The following SORCS2 variants were observed in gnomAD, a reference collection of about 807,000 sequenced individuals.
SORCS2 encodes VPS10 domain-containing receptor SorCS2.
SORCS2 carries 100 observed loss-of-function variants against 141.6 expected under a neutral mutation model. The ratio of observed to expected loss-of-function variants is 0.71; its 90% CI spans 0.60 to 0.83. The LOEUF (loss-of-function observed/expected upper bound fraction) is 0.83. Ranked by LOEUF, SORCS2 falls within the 40% of genes least tolerant of loss-of-function variation. The pLI, the probability that SORCS2 is intolerant of heterozygous loss-of-function variation, is 0.00. For synonymous variants in SORCS2, 789 were observed against 676.9 expected, an observed-to-expected ratio of 1.17 and a Z score of -2.57; for missense variants, 1,646 against 1,560.2, an observed-to-expected ratio of 1.05 and a Z score of -0.93.
intron 1 of SORCS2, among the ~76,000 whole-genome samples, chr4:7,320,733 CT>C (rs750621922): frequency 2.1e-4 from 32 of 152,096 alleles, no homozygotes; most frequent in Non-Finnish European, 3.4e-4. Flanking sequence ...CCATGGAAGG[CT>C]GGGGAAAGGT....
chr4:7,197,137 A>G (rs1727220675), intron 1 of SORCS2, among the ~76,000 whole-genome samples: 1 of 152,088 alleles, frequency 6.6e-6, no homozygotes, highest in African/African-American at 2.4e-5. Context: ...CGCAGATGCC[A>G]CCTTCTCCCA....
intron 1 of SORCS2, among the ~76,000 whole-genome samples, chr4:7,289,473 A>G (rs927721123): frequency 1.8e-4 from 28 of 152,286 alleles, no homozygotes; most frequent in African/African-American, 6.0e-4. Context: ...TGCTCAGTCA[A>G]TATCTGCTGA....
At chr4:7,413,717 A>G (rs1288134056) in intron 2 of SORCS2, among the ~76,000 whole-genome samples, 1 of 152,194 alleles carries the variant, frequency 6.6e-6, no homozygotes, top group Non-Finnish European at 1.5e-5. Context: ...TGGCTGTATA[A>G]TATAGTTTCA....
At position 7,742,537 on chromosome 4, in the gene SORCS2, ATGT is replaced by A. The variant is rs1712752923; in HGVS notation, c.*2276_*2278del. 1 of 152,148 alleles carries A rather than the reference ATGT, an allele frequency of 6.6e-6. No homozygotes were observed. The highest frequency in any genetic ancestry group is 1.5e-5 in the Non-Finnish European group (1 of 68,048). The allele number at this position is 152,148 out of a possible 1,614,324, so 9.4% of individuals were successfully genotyped here. A position where few individuals can be genotyped will look rare whatever the true frequency, so the allele number is the denominator to read the frequency against. The stretch of plus-strand genomic sequence containing the variant: ...TTATGTTAATATTTCTATTAAGAAC[ATGT>A]TGGGCATGTGGACCCAAGCACCTGG... On this transcript the variant is annotated 3_prime_UTR_variant, in exon 27 of 27. Coordinates refer to ENST00000507866, the MANE Select transcript of SORCS2 (RefSeq NM_020777.3).
At chr4:7,508,881 G>T (rs370347935) in intron 2 of SORCS2, among the ~76,000 whole-genome samples, 15 of 152,178 alleles carry the variant, frequency 9.9e-5, no homozygotes, top group East Asian at 7.7e-4. Context: ...AAAAGGGAAG[G>T]CTAAAATCTG....
At chr4:7,351,735 A>G (rs1202847566) in intron 1 of SORCS2, among the ~76,000 whole-genome samples, 3 of 147,798 alleles carry the variant, frequency 2.0e-5, no homozygotes, top group Non-Finnish European at 4.5e-5. Flanking sequence ...CTTCCCATCT[A>G]TTCCTCTCTC....
intron 3 of SORCS2, among the ~76,000 whole-genome samples, chr4:7,602,715 T>G: frequency 1.5e-5 from 2 of 136,358 alleles, no homozygotes. Flanking sequence ...TCCCAGACGA[T>G]GGGCGGCCAG....
intron 3 of SORCS2, among the ~76,000 whole-genome samples, chr4:7,620,158 T>G (rs1320383253): frequency 6.6e-6 from 1 of 152,150 alleles, no homozygotes; most frequent in Non-Finnish European, 1.5e-5. Context: ...GATTGCGATC[T>G]TTTGGAGCAG....
intron 2 of SORCS2, among the ~76,000 whole-genome samples, chr4:7,478,270 C>T (rs557334379): frequency 1.3e-5 from 2 of 152,274 alleles, no homozygotes; most frequent in South Asian, 2.1e-4. Context: ...GAAGGAGGCT[C>T]GCTTCCTTTC....
chr4:7,639,627 G>A (rs947446706), intron 4 of SORCS2, among the ~76,000 whole-genome samples: 2 of 151,904 alleles, frequency 1.3e-5, no homozygotes, highest in African/African-American at 2.4e-5. Flanking sequence ...GTGAATGTGT[G>A]GGTGTGTGGG....
intron 1 of SORCS2, among the ~76,000 whole-genome samples, chr4:7,268,451 A>G (rs1464045074): frequency 6.6e-6 from 1 of 152,100 alleles, no homozygotes; most frequent in African/African-American, 2.4e-5. Flanking sequence ...CCAGCATGCA[A>G]TGGGGCCGTC....
At chr4:7,195,070 G>C (rs1172152908) in intron 1 of SORCS2, among the ~76,000 whole-genome samples, 1 of 152,086 alleles carries the variant, frequency 6.6e-6, no homozygotes, top group African/African-American at 2.4e-5. Context: ...CTGGGGGTGG[G>C]GGGCTGTCAG....
intron 3 of SORCS2, among the ~76,000 whole-genome samples, chr4:7,541,272 C>T (rs1289395057): frequency 6.6e-6 from 1 of 152,204 alleles, no homozygotes; most frequent in Non-Finnish European, 1.5e-5. Flanking sequence ...CACACAGTCT[C>T]ATCCATGGTG....
At chr4:7,404,670 G>T (rs1029199019) in intron 2 of SORCS2, among the ~76,000 whole-genome samples, 3 of 151,862 alleles carry the variant, frequency 2.0e-5, no homozygotes, top group African/African-American at 7.3e-5. Flanking sequence ...ATGTCTATTT[G>T]TGTCCTTTGC....
chr4:7,259,925 G>T (rs745451434), intron 1 of SORCS2, among the ~76,000 whole-genome samples: 1 of 152,200 alleles, frequency 6.6e-6, no homozygotes, highest in Non-Finnish European at 1.5e-5. Context: ...CAGCCTGTTG[G>T]GCAGGACAGA....
intron 3 of SORCS2, among the ~76,000 whole-genome samples, chr4:7,628,485 C>G (rs568443218): frequency 1.3e-4 from 19 of 150,884 alleles, no homozygotes; most frequent in Admixed American, 4.6e-4. Context: ...TGCCACTGCA[C>G]TCCAGCCTGG....
Position 7,660,423 on chromosome 4 carries a change from C to T in SORCS2, c.888-1077C>T, listed in dbSNP as rs565624192. The stretch of plus-strand genomic sequence containing the variant: ...CACCGTAGGTTTGTCCCACTGGGCT[C>T]TTAGAGATATCTATGGAACTCAGCC... On this transcript the variant is annotated intron_variant, in intron 5 of 26. Coordinates refer to ENST00000507866, the MANE Select transcript of SORCS2 (RefSeq NM_020777.3). Among the ~76,000 whole-genome samples the T allele has an allele frequency of 2.0e-5, 3 of 152,334 alleles. No homozygotes were observed. The East Asian group carries it at 5.8e-4, about 29-fold the overall frequency.
chr4:7,413,804 G>A (rs1276926040), intron 2 of SORCS2, among the ~76,000 whole-genome samples: 1 of 152,124 alleles, frequency 6.6e-6, no homozygotes, highest in African/African-American at 2.4e-5. Flanking sequence ...CACTAATGCC[G>A]AGATGTAAAG....
At chr4:7,666,318 G>A (rs1000904336) in intron 7 of SORCS2, among the ~76,000 whole-genome samples, 4 of 152,096 alleles carry the variant, frequency 2.6e-5, no homozygotes, top group African/African-American at 4.8e-5. Context: ...CGGTGCTCGC[G>A]ACATTGTTTG....
Sources: gnomAD v4.1 joint callset for allele counts (sites outside exome capture counted in the v4.1 genomes callset) on GRCh38, gnomAD v4.1.1 for gene constraint, MANE v1.5 for transcripts, NCBI Gene and HGNC (gene_info 2026-07-23, HGNC 2026-07-21) for gene names.